The following CHST9 variants were observed in gnomAD, a reference collection of about 807,000 sequenced individuals.
CHST9 encodes the protein carbohydrate sulfotransferase 9, also known as GalNAc-4-sulfotransferase 2.
CHST9 carries 41 observed loss-of-function variants against 44.4 expected under a neutral mutation model. That is an observed-to-expected ratio of 0.92 (90% CI 0.72 to 1.20). The LOEUF (loss-of-function observed/expected upper bound fraction) is 1.20. CHST9 is among the 50% of genes most tolerant of loss of function. CHST9 has a pLI of 0.00. For missense variants in CHST9, 504 were observed against 516.5 expected, an observed-to-expected ratio of 0.98 and a Z score of 0.23; for synonymous variants, 171 against 178.4, an observed-to-expected ratio of 0.96 and a Z score of 0.33.
intron 4 of CHST9, among the ~76,000 whole-genome samples, chr18:26,955,224 G>GTT (rs10573820): frequency 1.7e-4 from 24 of 138,440 alleles, no homozygotes; most frequent in African/African-American, 3.2e-4. Flanking sequence ...CCAGAATTCT[G>GTT]TTTTTTTTTT....
chr18:27,035,347 A>C (rs532083462), intron 3 of CHST9, among the ~76,000 whole-genome samples: 1 of 152,150 alleles, frequency 6.6e-6, no homozygotes, highest in Admixed American at 6.5e-5. Context: ...TTTTTAAATC[A>C]TGGTTTTTGT....
At position 26,907,382 on chromosome 18, in the gene CHST9, G is replaced by A. The variant is rs1598539905; in HGVS notation, c.*8877C>T. ...TGATGAGTTCAGCTTTGGTCATGTTGAGTTGGAAGCTCCAGTGAGACATCT... is the reference window on the plus strand; with the variant it reads ...TGATGAGTTCAGCTTTGGTCATGTTAAGTTGGAAGCTCCAGTGAGACATCT... On this transcript the variant is annotated 3_prime_UTR_variant, in exon 6 of 6. Transcript: ENST00000618847. 6.6e-6 allele frequency: 1 copy of A among 152,454 alleles called. No individual in the cohort carries two copies. The highest frequency in any genetic ancestry group is 1.5e-5 in the Non-Finnish European group (1 of 68,054). The allele number at this position is 152,454 out of a possible 1,614,324, so 9.4% of individuals were successfully genotyped here. A position where few individuals can be genotyped will look rare whatever the true frequency, so the allele number is the denominator to read the frequency against.
In CHST9 at chr18:26,916,595, C is replaced by G. The variant is rs1003144810; in HGVS notation, c.996G>C (p.Glu332Asp). 1 of 1,613,850 alleles carries G rather than the reference C, an allele frequency of 6.2e-7. No individual in the cohort carries two copies. The highest frequency in any genetic ancestry group is 8.5e-7 in the Non-Finnish European group (1 of 1,179,790). ...LINGSGVKFK[E>D]FIHYLLDSHR... is the part of the protein sequence containing the mutation. Reference sequence around the variant, plus strand: ...GGGAATCCAGCAAGTAGTGGATAAACTCTTTGAACTTGACTCCAGATCCAT... The same window carrying G: ...GGGAATCCAGCAAGTAGTGGATAAAGTCTTTGAACTTGACTCCAGATCCAT... The change falls in exon 6 of 6, where the codon GAG becomes GAC. Residue 332 changes from glutamate to aspartate, a missense_variant. Coordinates refer to ENST00000618847, the MANE Select transcript of CHST9 (RefSeq NM_031422.6).
rs576480886 is a variant in CHST9, at chr18:27,074,075, A to G, written c.122-25572T>C. Among the ~76,000 whole-genome samples the G allele has an allele frequency of 3.9e-5, 6 of 152,326 alleles. No homozygotes were observed. In the South Asian group the frequency reaches 1.0e-3, roughly 26 times the overall value. ...ATTTGGCAACAAAGTTAAGAACAGA[A>G]CAAAGAAATTCATATTTTATCCTAG... On this transcript the variant is annotated intron_variant, in intron 2 of 5. Coordinates refer to ENST00000618847, the MANE Select transcript of CHST9 (RefSeq NM_031422.6).
At position 26,916,157 on chromosome 18, in the gene CHST9, A is replaced by G; in HGVS notation, c.*102T>C. Reference sequence around the variant, plus strand: ...ATCTACATTAAATCAAGACAACTGCACTTGGTTAAATTTCTGTCATACAGA... The same window carrying G: ...ATCTACATTAAATCAAGACAACTGCGCTTGGTTAAATTTCTGTCATACAGA... On this transcript the variant is annotated 3_prime_UTR_variant, in exon 6 of 6. Transcript: ENST00000618847. 1.1e-6 allele frequency: 1 copy of G among 941,344 alleles called. No homozygotes were observed. The allele number at this position is 941,344 out of a possible 1,614,324, so 58.3% of individuals were successfully genotyped here. A position where few individuals can be genotyped will look rare whatever the true frequency, so the allele number is the denominator to read the frequency against.
At position 26,992,412 on chromosome 18, in the gene CHST9, G is replaced by A. The variant is rs11874513; in HGVS notation, c.202+31704C>T. Among the ~76,000 whole-genome samples, 1,347 of 152,062 alleles carry A rather than the reference G, an allele frequency of 8.9e-3. 42 individuals are homozygous for A. The highest frequency in any genetic ancestry group is 0.031 in the African/African-American group (1,290 of 41,384). On this transcript the variant is annotated intron_variant, in intron 4 of 5. Coordinates refer to ENST00000618847, the MANE Select transcript of CHST9 (RefSeq NM_031422.6). The stretch of plus-strand genomic sequence containing the variant: ...TACCACTGAAGCTCCTGAGCCTAGC[G>A]CAGTTCCTGATACCAAGCAGAAGTT...
intron 4 of CHST9, chr18:26,952,333 T>A: frequency 2.0e-6 from 1 of 507,602 alleles, no homozygotes; most frequent in South Asian, 1.4e-5. Context: ...CCACCAACTA[T>A]GTCCTCAGGC....
chr18:26,967,701 T>C (rs12963112), intron 4 of CHST9, among the ~76,000 whole-genome samples: 44,759 of 152,052 alleles, frequency 0.29, 7,762 homozygotes, highest in African/African-American at 0.49. Context: ...CTTGATTGGA[T>C]TGAAGGATGC....
rs1350579118 is a variant in CHST9, at chr18:27,000,658, C to CTATCTA, written c.202+23457_202+23458insTAGATA. On this transcript the variant is annotated intron_variant, in intron 4 of 5. Transcript: ENST00000618847. ...TATCTATCTATCTATCTATCTATCT[C>CTATCTA]TCTATCTATCTATTATTCTATCTAT... Among the ~76,000 whole-genome samples, 134 of 74,556 alleles carry CTATCTA rather than the reference C, an allele frequency of 1.8e-3. 1 individual carries two copies. Among genetic ancestry groups the CTATCTA allele is most frequent in the South Asian group, 2.3e-3 (6 of 2,652 alleles). The allele number at this position is 74,556 out of a possible 152,430, so 48.9% of individuals were successfully genotyped here.
intron 1 of CHST9, among the ~76,000 whole-genome samples, chr18:27,168,301 C>T (rs1048890329): frequency 6.6e-6 from 1 of 152,000 alleles, no homozygotes; most frequent in Admixed American, 6.6e-5. Context: ...GTCTCGATCC[C>T]CTGACCTCGT....
At chr18:27,160,290 A>G (rs1243088331) in intron 1 of CHST9, among the ~76,000 whole-genome samples, 1 of 152,148 alleles carries the variant, frequency 6.6e-6, no homozygotes, top group Non-Finnish European at 1.5e-5. Flanking sequence ...TCCCATCAAT[A>G]CCTAATTTAT....
intron 4 of CHST9, among the ~76,000 whole-genome samples, chr18:26,997,481 T>C (rs937899073): frequency 6.6e-6 from 1 of 152,210 alleles, no homozygotes; most frequent in African/African-American, 2.4e-5. Flanking sequence ...GAGAAACCAC[T>C]ATGTAGTGAT....
chr18:27,090,804 T>G (rs2058060874), intron 2 of CHST9, among the ~76,000 whole-genome samples: 1 of 152,194 alleles, frequency 6.6e-6, no homozygotes, highest in African/African-American at 2.4e-5. Flanking sequence ...CATTGGTCTA[T>G]ATATCTATTT....
intron 2 of CHST9, among the ~76,000 whole-genome samples, chr18:27,057,297 A>G (rs1370897816): frequency 6.6e-6 from 1 of 152,254 alleles, no homozygotes; most frequent in Non-Finnish European, 1.5e-5. Context: ...GAGGAGGAAC[A>G]GAGAAGTTTA....
At chr18:27,172,831 A>G (rs1317149195) in intron 1 of CHST9, among the ~76,000 whole-genome samples, 1 of 152,010 alleles carries the variant, frequency 6.6e-6, no homozygotes, top group Non-Finnish European at 1.5e-5. Flanking sequence ...GGTTTATTAT[A>G]TTGTACATTA....
intron 2 of CHST9, among the ~76,000 whole-genome samples, chr18:27,125,712 T>A (rs182411762): frequency 2.0e-5 from 3 of 152,352 alleles, no homozygotes; most frequent in East Asian, 3.9e-4. Flanking sequence ...TTGTTCTTTC[T>A]CTGAGACGGA....
chr18:26,915,062 A>T lies in CHST9; in HGVS notation c.*1197T>A, dbSNP rs145863234. ...AACTATTCATAAGGGTGACACATGG[A>T]CCTATTTTTCTAAGGACTTTGATTT... On this transcript the variant is annotated 3_prime_UTR_variant, in exon 6 of 6. Coordinates refer to ENST00000618847, the MANE Select transcript of CHST9 (RefSeq NM_031422.6). 5.0e-6 allele frequency: 2 copies of T among 397,192 alleles called. No homozygotes were observed. Among genetic ancestry groups the T allele is most frequent in the African/African-American group, 4.1e-5 (2 of 48,550 alleles). The allele number at this position is 397,192 out of a possible 1,614,324, so 24.6% of individuals were successfully genotyped here.
chr18:26,958,458 C>CAAAAAAAAAAAAAAAA (rs111675236), intron 4 of CHST9, among the ~76,000 whole-genome samples: 1 of 123,650 alleles, frequency 8.1e-6, no homozygotes, highest in Non-Finnish European at 1.8e-5. Context: ...AAAGTAACTG[C>CAAAAAAAAAAAAAAAA]AAAAAAAAAA....
At position 26,914,258 on chromosome 18, in the gene CHST9, G is replaced by A. The variant is rs1230717372; in HGVS notation, c.*2001C>T. 2 of 152,030 alleles carry A rather than the reference G, an allele frequency of 1.3e-5. No individual in the cohort carries two copies. The highest frequency in any genetic ancestry group is 4.8e-5 in the African/African-American group (2 of 41,388). 9.4% of individuals were successfully genotyped at this position (152,030 alleles called of 1,614,324 possible). ...TTGTTTCCATTTTTTTCCTTCTAAA[G>A]CTATTGAAAGTTCTTTGTCTGTTCC... On this transcript the variant is annotated 3_prime_UTR_variant, in exon 6 of 6. Coordinates refer to ENST00000618847, the MANE Select transcript of CHST9 (RefSeq NM_031422.6).
Sources: allele counts gnomAD v4.1 joint callset (sites outside exome capture counted in the v4.1 genomes callset), GRCh38; gene constraint gnomAD v4.1.1; transcripts MANE v1.5; gene names NCBI Gene and HGNC (gene_info 2026-07-23, HGNC 2026-07-21).